VPS13B: variants seen among roughly 807,000 people sequenced by gnomAD.
VPS13B encodes intermembrane lipid transfer protein VPS13B.
Under a neutral mutation model 426.4 loss-of-function variants are expected in VPS13B, and 285 were observed. The observed-to-expected ratio is 0.67, with a 90% CI of 0.61 to 0.74. VPS13B has a LOEUF of 0.74. VPS13B is among the 30% of genes least tolerant of loss of function. VPS13B has a pLI of 0.00. For missense variants in VPS13B, 4,537 were observed against 4,782.6 expected (o/e 0.95, Z 1.51); for synonymous variants, 1,676 against 1,676.4 (o/e 1.00, Z 0.01).
intron 7 of VPS13B, chr8:99,119,483 C>T (rs1427820327): frequency 6.6e-6 from 1 of 152,142 alleles, no homozygotes; most frequent in Non-Finnish European, 1.5e-5. Flanking sequence ...TTCTTGAACT[C>T]CTGGCTTCAT....
At chr8:99,475,274 T>C (rs1350897149) in intron 24 of VPS13B, among the ~76,000 whole-genome samples, 1 of 152,190 alleles carries the variant, frequency 6.6e-6, no homozygotes, top group African/African-American at 2.4e-5. Context: ...TTTTGGAAGA[T>C]ACAGAACTGT....
intron 35 of VPS13B, chr8:99,697,457 G>A (rs981133283): frequency 1.1e-5 from 8 of 720,502 alleles, no homozygotes; most frequent in African/African-American, 5.3e-5. Context: ...GGAGGAAATC[G>A]ACATCCTCAG....
intron 17 of VPS13B, among the ~76,000 whole-genome samples, chr8:99,248,569 A>G (rs527792638): frequency 6.6e-6 from 1 of 152,270 alleles, no homozygotes; most frequent in Non-Finnish European, 1.5e-5. Context: ...ATTTGCAGTG[A>G]TCCCACCTAG....
intron 3 of VPS13B, among the ~76,000 whole-genome samples, chr8:99,078,760 T>G (rs1845275522): frequency 6.6e-6 from 1 of 152,034 alleles, no homozygotes; most frequent in African/African-American, 2.4e-5. Context: ...GGCCAACCAT[T>G]GGGTCTCCAG....
intron 4 of VPS13B, among the ~76,000 whole-genome samples, chr8:99,097,029 C>A (rs188246082): frequency 6.6e-6 from 1 of 152,096 alleles, no homozygotes; most frequent in Non-Finnish European, 1.5e-5. Flanking sequence ...TTCTTAATAT[C>A]CCCAGGCTGG....
At chr8:99,040,092 GA>G (rs200412496) in intron 3 of VPS13B, among the ~76,000 whole-genome samples, 4 of 147,316 alleles carry the variant, frequency 2.7e-5, no homozygotes, top group African/African-American at 5.0e-5. Context: ...TATTAAAAGA[GA>G]AAAAAAAAAT....
chr8:99,260,580 A>G (rs980763457), intron 17 of VPS13B, among the ~76,000 whole-genome samples: 2 of 152,078 alleles, frequency 1.3e-5, no homozygotes, highest in African/African-American at 4.8e-5. Context: ...ATTATATTTG[A>G]GGCATTGTAT....
chr8:99,533,270 C>T (rs1298373273), intron 30 of VPS13B, among the ~76,000 whole-genome samples: 1 of 152,090 alleles, frequency 6.6e-6, no homozygotes, highest in African/African-American at 2.4e-5. Flanking sequence ...TCATAGTTTA[C>T]TAAAAATTAA....
At chr8:99,753,999 G>A (rs1262191843) in intron 39 of VPS13B, among the ~76,000 whole-genome samples, 2 of 151,770 alleles carry the variant, frequency 1.3e-5, no homozygotes, top group South Asian at 2.1e-4. Flanking sequence ...TGTTTCCCAA[G>A]AGTAGATCAC....
chr8:99,720,652 G>A (rs1833096559), intron 38 of VPS13B, 100 bp downstream of exon 38: 19 of 1,360,896 alleles, frequency 1.4e-5, no homozygotes, highest in Admixed American at 1.9e-5. Flanking sequence ...GCTTTTTAAA[G>A]TGCGTTAAAA....
chr8:99,546,433 G>C (rs1049284716), intron 30 of VPS13B, among the ~76,000 whole-genome samples: 2 of 151,916 alleles, frequency 1.3e-5, no homozygotes, highest in Admixed American at 6.6e-5. Context: ...CATATTGTTA[G>C]GTACAGAACG....
rs776569705 is a variant in VPS13B, at chr8:99,577,582, G to C, written c.5169G>C (p.Gln1723His). 4 of 1,613,836 alleles carry C rather than the reference G, an allele frequency of 2.5e-6. No individual in the cohort carries two copies. Among genetic ancestry groups the C allele is most frequent in the African/African-American group, 2.7e-5 (2 of 75,032 alleles). ...TGGCTCAAGTTCAACTCTTACATCAGTTAATAGTAGCAAATATGACTGGAC... is the reference window on the plus strand; with the variant it reads ...TGGCTCAAGTTCAACTCTTACATCACTTAATAGTAGCAAATATGACTGGAC... Reference protein sequence around the residue: ...LSVAQVQLLHQLIVANMTGLE... With the variant: ...LSVAQVQLLHHLIVANMTGLE... The change falls in exon 33 of 62, where the codon CAG becomes CAC. Residue 1723 changes from glutamine (Q) to histidine (H), a missense_variant. This residue lies in a region of VPS13B where 4,311 missense variants were observed against 4,474.3 expected (regional missense o/e 0.96). Coordinates refer to ENST00000357162, the MANE Select transcript of VPS13B (RefSeq NM_152564.5).
intron 33 of VPS13B, among the ~76,000 whole-genome samples, chr8:99,598,884 T>G (rs1207872634): frequency 6.6e-6 from 1 of 151,984 alleles, no homozygotes; most frequent in Non-Finnish European, 1.5e-5. Context: ...TTAAAAATTA[T>G]GATTTTTTAA....
At chr8:99,462,834 C>T (rs768273006) in intron 23 of VPS13B, among the ~76,000 whole-genome samples, 15 of 152,102 alleles carry the variant, frequency 9.9e-5, no homozygotes, top group Non-Finnish European at 2.1e-4. Flanking sequence ...CTCTCTTGGT[C>T]GTGTGAGAAC....
intron 14 of VPS13B, among the ~76,000 whole-genome samples, chr8:99,149,844 T>C (rs1810965869): frequency 6.6e-6 from 1 of 152,062 alleles, no homozygotes; most frequent in African/African-American, 2.4e-5. Flanking sequence ...TATTGTGAAC[T>C]GTGCATGCAA....
At chr8:99,135,828 G>A (rs2132557248) in intron 11 of VPS13B, 95 bp downstream of exon 11, 1 of 1,518,926 alleles carries the variant, frequency 6.6e-7, no homozygotes, top group Admixed American at 1.7e-5. Flanking sequence ...TTCAAATAAT[G>A]CCTTCTGAAT....
chr8:99,113,291 G>A (rs1045294345), intron 6 of VPS13B, among the ~76,000 whole-genome samples: 1 of 152,022 alleles, frequency 6.6e-6, no homozygotes, highest in Non-Finnish European at 1.5e-5. Flanking sequence ...TTGTAGAGAC[G>A]GAGTCTCACT....
intron 29 of VPS13B, among the ~76,000 whole-genome samples, chr8:99,516,644 T>C (rs1369161972): frequency 6.6e-6 from 1 of 151,604 alleles, no homozygotes; most frequent in Non-Finnish European, 1.5e-5. Context: ...ACAAATTTTC[T>C]GGGCATGGTG....
At chr8:99,390,571 G>A (rs1814385159) in intron 20 of VPS13B, among the ~76,000 whole-genome samples, 1 of 151,946 alleles carries the variant, frequency 6.6e-6, no homozygotes, top group African/African-American at 2.4e-5. Context: ...TTTAAGTTGG[G>A]TGAGGCTTAA....
Sources: gnomAD v4.1 joint callset for allele counts (sites outside exome capture counted in the v4.1 genomes callset) on GRCh38, gnomAD v4.1.1 for gene constraint, gnomAD v4.1.1 regional missense constraint, MANE v1.5 for transcripts, NCBI Gene and HGNC (gene_info 2026-07-23, HGNC 2026-07-21) for gene names.